Variants in GRID2 observed in about 807,000 individuals in gnomAD.
GRID2 encodes glutamate ionotropic receptor delta type subunit 2.
GRID2 carries 33 observed loss-of-function variants against 114.8 expected under a neutral mutation model. The ratio of observed to expected loss-of-function variants is 0.29; its 90% CI spans 0.22 to 0.38. The LOEUF (loss-of-function observed/expected upper bound fraction) is 0.38. GRID2 is among the 10% of genes least tolerant of loss of function. The pLI is 1.00. For synonymous variants in GRID2, 505 were observed against 449.9 expected (o/e 1.12, Z -1.55); for missense variants, 1,184 against 1,257.7 (o/e 0.94, Z 0.89).
At chr4:93,375,570 T>C (rs1763303327) in intron 8 of GRID2, among the ~76,000 whole-genome samples, 1 of 152,032 alleles carries the variant, frequency 6.6e-6, no homozygotes, top group Admixed American at 6.6e-5. Flanking sequence ...CTCTGCAGTT[T>C]CCCCAGTGTT....
At chr4:93,754,336 A>G (rs1732573274) in intron 14 of GRID2, among the ~76,000 whole-genome samples, 4 of 152,144 alleles carry the variant, frequency 2.6e-5, no homozygotes, top group Admixed American at 1.3e-4. Context: ...TTACTTCAAA[A>G]TGCATCAACT....
intron 2 of GRID2, among the ~76,000 whole-genome samples, chr4:92,701,490 A>C (rs2149301606): frequency 6.6e-6 from 1 of 152,350 alleles, no homozygotes; most frequent in Non-Finnish European, 1.5e-5. Flanking sequence ...GAAATGAATT[A>C]TAGACCACAG....
At chr4:92,963,161 C>T (rs1752931071) in intron 2 of GRID2, among the ~76,000 whole-genome samples, 1 of 151,934 alleles carries the variant, frequency 6.6e-6, no homozygotes, top group African/African-American at 2.4e-5. Context: ...AGAGTCTTGC[C>T]TGGGTATTGA....
At chr4:92,488,661 T>G (rs963343285) in intron 1 of GRID2, among the ~76,000 whole-genome samples, 1 of 152,110 alleles carries the variant, frequency 6.6e-6, no homozygotes, top group African/African-American at 2.4e-5. Flanking sequence ...GCCCATGGGA[T>G]TTAATCAAAG....
intron 1 of GRID2, among the ~76,000 whole-genome samples, chr4:92,465,969 C>T (rs750138443): frequency 2.9e-4 from 44 of 151,328 alleles, no homozygotes; most frequent in Admixed American, 2.9e-3. Flanking sequence ...TCTCACAGCC[C>T]CCTTTTTATA....
intron 2 of GRID2, among the ~76,000 whole-genome samples, chr4:92,790,945 A>G (rs1739558478): frequency 6.6e-6 from 1 of 151,746 alleles, no homozygotes; most frequent in Admixed American, 6.6e-5. Flanking sequence ...GCCTTATGTT[A>G]CCTTCGGCAA....
At chr4:93,770,514 AAATTGATCAGCAGC>A (rs1245713242) in intron 15 of GRID2, among the ~76,000 whole-genome samples, 1 of 152,210 alleles carries the variant, frequency 6.6e-6, no homozygotes, top group African/African-American at 2.4e-5. Context: ...CTTATATGCA[AAATTGATCAGCAGC>A]ATTTATAAGG....
chr4:92,606,971 G>A (rs895981275), intron 2 of GRID2, among the ~76,000 whole-genome samples: 16 of 151,964 alleles, frequency 1.1e-4, no homozygotes, highest in African/African-American at 3.9e-4. Flanking sequence ...TGCAGCAAAG[G>A]TCGACATGAT....
chr4:93,035,405 C>A (rs899244262), intron 2 of GRID2, among the ~76,000 whole-genome samples: 4 of 152,154 alleles, frequency 2.6e-5, no homozygotes, highest in Non-Finnish European at 4.4e-5. Flanking sequence ...TGATCCACTG[C>A]ATCCTGCCTT....
chr4:93,232,979 C>T (rs1019597046), intron 7 of GRID2, among the ~76,000 whole-genome samples: 2 of 152,024 alleles, frequency 1.3e-5, no homozygotes, highest in African/African-American at 4.8e-5. Context: ...AGGAGAAATA[C>T]CAAGTGTTCT....
At chr4:93,661,066 A>G (rs758683012) in intron 14 of GRID2, among the ~76,000 whole-genome samples, 1 of 152,200 alleles carries the variant, frequency 6.6e-6, no homozygotes, top group African/African-American at 2.4e-5. Context: ...CCAGGATGAA[A>G]GTTGTCCCCA....
intron 11 of GRID2, among the ~76,000 whole-genome samples, chr4:93,468,380 A>T (rs2149430698): frequency 6.6e-6 from 1 of 152,142 alleles, no homozygotes; most frequent in East Asian, 1.9e-4. Context: ...ATAAATAAAT[A>T]AATAAATAAA....
At chr4:92,433,979 C>G (rs1201702802) in intron 1 of GRID2, among the ~76,000 whole-genome samples, 1 of 152,216 alleles carries the variant, frequency 6.6e-6, no homozygotes, top group Admixed American at 6.5e-5. Flanking sequence ...ATACTTTACA[C>G]AGTGGGATCA....
At chr4:92,792,899 T>TC (rs1739663027) in intron 2 of GRID2, among the ~76,000 whole-genome samples, 1 of 151,564 alleles carries the variant, frequency 6.6e-6, no homozygotes, top group African/African-American at 2.4e-5. Context: ...ATCCATTTTT[T>TC]TTTTTTTTTT....
chr4:93,510,974 T>C (rs1370195869), intron 12 of GRID2, among the ~76,000 whole-genome samples: 1 of 152,164 alleles, frequency 6.6e-6, no homozygotes, highest in Non-Finnish European at 1.5e-5. Flanking sequence ...TCTCGCTCTG[T>C]TGCCAAAACT....
chr4:93,567,402 G>A (rs62320406), intron 13 of GRID2, among the ~76,000 whole-genome samples: 25,720 of 152,182 alleles, frequency 0.17, 2,589 homozygotes, highest in Middle Eastern at 0.3. Context: ...AAGCAAGGAA[G>A]TTTCCAACTT....
chr4:93,013,691 C>T (rs566659723), intron 2 of GRID2, among the ~76,000 whole-genome samples: 1 of 151,978 alleles, frequency 6.6e-6, no homozygotes, highest in African/African-American at 2.4e-5. Flanking sequence ...TATATCCTAC[C>T]TATGTAAATC....
At chr4:93,636,446 C>T (rs1217921912) in intron 14 of GRID2, among the ~76,000 whole-genome samples, 1 of 152,050 alleles carries the variant, frequency 6.6e-6, no homozygotes, top group African/African-American at 2.4e-5. Flanking sequence ...CGCACACATA[C>T]ACACGCACAC....
chr4:93,467,707 G>T (rs772765673), intron 11 of GRID2, among the ~76,000 whole-genome samples: 1 of 152,246 alleles, frequency 6.6e-6, no homozygotes. Context: ...CTCTAGAAAT[G>T]CATTGCCTGC....
Sources: allele counts gnomAD v4.1 joint callset (sites outside exome capture counted in the v4.1 genomes callset), GRCh38; gene constraint gnomAD v4.1.1; transcripts MANE v1.5; gene names NCBI Gene and HGNC (gene_info 2026-07-23, HGNC 2026-07-21).